PSD3: variants seen among roughly 807,000 people sequenced by gnomAD.
The protein encoded by PSD3 is pleckstrin and Sec7 domain containing 3, also known as PH and SEC7 domain-containing protein 3.
PSD3 carries 49 observed loss-of-function variants against 105.5 expected under a neutral mutation model. The observed-to-expected ratio is 0.46, with a 90% CI of 0.37 to 0.59. PSD3 has a LOEUF of 0.59. Ranked by LOEUF, PSD3 falls within the 20% of genes least tolerant of loss-of-function variation. The probability of loss-of-function intolerance (pLI) is 0.00; values close to 1 mark genes in which losing one functional copy is unlikely to be tolerated. For missense variants in PSD3, 1,561 were observed against 1,263.8 expected, an observed-to-expected ratio of 1.24 and a Z score of -3.57; for synonymous variants, 557 against 457.8, an observed-to-expected ratio of 1.22 and a Z score of -2.77.
chr8:18,857,729 G>A (rs1816129251), intron 4 of PSD3, among the ~76,000 whole-genome samples: 1 of 152,206 alleles, frequency 6.6e-6, no homozygotes, highest in Non-Finnish European at 1.5e-5. Flanking sequence ...AATGTAGTAG[G>A]TCAGGGTGGG....
At chr8:19,076,833 T>A (rs2063079) in intron 1 of PSD3, among the ~76,000 whole-genome samples, 1 of 152,020 alleles carries the variant, frequency 6.6e-6, no homozygotes, top group Non-Finnish European at 1.5e-5. Flanking sequence ...ATACAGCTAC[T>A]GGTGCGACTC....
At chr8:18,854,230 T>C (rs1190219774) in intron 4 of PSD3, 2 of 152,852 alleles carry the variant, frequency 1.3e-5, no homozygotes, top group Non-Finnish European at 2.9e-5. Context: ...CTGTTGCAAG[T>C]ACAAACTGCT....
chr8:18,637,785 G>T (rs1036381950), intron 10 of PSD3, among the ~76,000 whole-genome samples: 1 of 152,056 alleles, frequency 6.6e-6, no homozygotes, highest in Admixed American at 6.6e-5. Flanking sequence ...ATACAGTACT[G>T]CCAGTCTCTC....
At chr8:19,048,880 G>A (rs1828418844) in intron 1 of PSD3, among the ~76,000 whole-genome samples, 1 of 152,162 alleles carries the variant, frequency 6.6e-6, no homozygotes, top group African/African-American at 2.4e-5. Context: ...TCACAGCTCT[G>A]GAGACTAGAA....
At chr8:18,648,119 G>C (rs887513166) in intron 10 of PSD3, among the ~76,000 whole-genome samples, 2 of 133,046 alleles carry the variant, frequency 1.5e-5, no homozygotes, top group African/African-American at 5.8e-5. Context: ...CCAAGAAGTG[G>C]GGAATTGCTA....
At chr8:19,063,133 T>C (rs1344215038) in intron 1 of PSD3, among the ~76,000 whole-genome samples, 1 of 152,226 alleles carries the variant, frequency 6.6e-6, no homozygotes, top group Non-Finnish European at 1.5e-5. Context: ...GAGAGTTCCA[T>C]TGAGTCTGTA....
intron 4 of PSD3, among the ~76,000 whole-genome samples, chr8:18,834,278 C>T (rs1015971940): frequency 2.0e-5 from 3 of 152,114 alleles, no homozygotes; most frequent in Non-Finnish European, 4.4e-5. Context: ...TACATGGCAA[C>T]ACCACTAAGC....
At chr8:18,599,188 T>C (rs1422583247) in intron 12 of PSD3, among the ~76,000 whole-genome samples, 1 of 152,184 alleles carries the variant, frequency 6.6e-6, no homozygotes, top group African/African-American at 2.4e-5. Flanking sequence ...CAAATCAATA[T>C]GGTTCTGGCA....
intron 4 of PSD3, among the ~76,000 whole-genome samples, chr8:18,823,752 T>C (rs1449676774): frequency 1.3e-5 from 2 of 149,116 alleles, no homozygotes; most frequent in East Asian, 4.0e-4. Context: ...TCCTTACAAT[T>C]ACACATGGTG....
At chr8:18,912,492 T>C (rs1324992157) in intron 2 of PSD3, among the ~76,000 whole-genome samples, 3 of 152,220 alleles carry the variant, frequency 2.0e-5, no homozygotes, top group Admixed American at 2.0e-4. Context: ...AATATATATA[T>C]TCTTTGAAGG....
At chr8:18,734,999 T>C (rs1804042567) in intron 9 of PSD3, among the ~76,000 whole-genome samples, 1 of 152,186 alleles carries the variant, frequency 6.6e-6, no homozygotes, top group Non-Finnish European at 1.5e-5. Context: ...CTTTATCCCC[T>C]TGAAAGCAAT....
chr8:18,767,957 CT>C (rs1453025629), intron 8 of PSD3, among the ~76,000 whole-genome samples: 1 of 151,358 alleles, frequency 6.6e-6, no homozygotes, highest in Non-Finnish European at 1.5e-5. Context: ...AGAAAGCAGA[CT>C]TCTGGAGATA....
Position 18,919,234 on chromosome 8 carries a change from T to C in PSD3, c.130+16800A>G, listed in dbSNP as rs1820830766. On this transcript the variant is annotated intron_variant, in intron 2 of 15. Coordinates refer to ENST00000327040, the MANE Select transcript of PSD3 (RefSeq NM_015310.4). ...TCTACCCTTTCAAACAAGCTGACTG[T>C]ACTCCTTGATAGAGAAACGCCAGCC... 2.6e-5 allele frequency among the ~76,000 whole-genome samples: 4 copies of C among 152,188 alleles called. No homozygotes were observed. In the South Asian group the frequency reaches 6.2e-4, roughly 24 times the overall value.
At chr8:18,618,525 C>CT (rs896768081) in intron 11 of PSD3, among the ~76,000 whole-genome samples, 1 of 150,886 alleles carries the variant, frequency 6.6e-6, no homozygotes, top group Non-Finnish European at 1.5e-5. Context: ...TCATATTTTA[C>CT]TTATTAAACA....
At chr8:18,808,956 G>C (rs570707195) in intron 4 of PSD3, 6 of 1,428,202 alleles carry the variant, frequency 4.2e-6, no homozygotes, top group Non-Finnish European at 5.5e-6. Context: ...TCATTGTTGC[G>C]GTTTCTGTAA....
chr8:18,821,176 C>CT (rs5889826), intron 4 of PSD3, among the ~76,000 whole-genome samples: 36,227 of 147,356 alleles, frequency 0.25, 5,096 homozygotes, highest in Non-Finnish European at 0.31. Context: ...TTTTGAAATT[C>CT]TTTTTTTTTT....
At chr8:19,055,977 C>T (rs984620008) in intron 1 of PSD3, among the ~76,000 whole-genome samples, 11 of 152,212 alleles carry the variant, frequency 7.2e-5, no homozygotes, top group African/African-American at 2.7e-4. Flanking sequence ...TACACACCTC[C>T]TTAAAGACAC....
At chr8:18,835,727 A>C (rs1406180693) in intron 4 of PSD3, among the ~76,000 whole-genome samples, 1 of 152,212 alleles carries the variant, frequency 6.6e-6, no homozygotes, top group African/African-American at 2.4e-5. Flanking sequence ...GGGGATGAAC[A>C]CTTCAAGGAG....
At chr8:18,544,901 G>A in intron 15 of PSD3, among the ~76,000 whole-genome samples, 1 of 152,154 alleles carries the variant, frequency 6.6e-6, no homozygotes, top group East Asian at 1.9e-4. Flanking sequence ...AGAGCTGAGT[G>A]ACCATCAGTA....
Sources: gnomAD v4.1 joint callset for allele counts (sites outside exome capture counted in the v4.1 genomes callset) on GRCh38, gnomAD v4.1.1 for gene constraint, MANE v1.5 for transcripts, NCBI Gene and HGNC (gene_info 2026-07-23, HGNC 2026-07-21) for gene names.